Variants in KCNQ1 observed in about 807,000 individuals in gnomAD.
KCNQ1 encodes the protein potassium voltage-gated channel subfamily Q member 1, also known as potassium voltage-gated channel subfamily KQT member 1.
A neutral mutation model predicts 72.4 loss-of-function variants in KCNQ1; 49 were observed. The observed-to-expected ratio is 0.68, with a 90% CI of 0.54 to 0.86. KCNQ1 has a LOEUF of 0.86. Ranked by LOEUF, KCNQ1 falls within the 40% of genes least tolerant of loss-of-function variation. KCNQ1 has a pLI of 0.00. For synonymous variants in KCNQ1, 450 were observed against 412.6 expected (o/e 1.09, Z -1.10); for missense variants, 790 against 945.1 (o/e 0.84, Z 2.15).
chr11:2,454,914 T>A (rs1846165526), intron 1 of KCNQ1, among the ~76,000 whole-genome samples: 1 of 151,988 alleles, frequency 6.6e-6, no homozygotes, highest in Non-Finnish European at 1.5e-5. Context: ...GAGGTCCTAG[T>A]CAGAAAAATC....
At chr11:2,699,516 GA>G (rs1477353786) in intron 11 of KCNQ1, 11 of 291,126 alleles carry the variant, frequency 3.8e-5, no homozygotes, top group Non-Finnish European at 6.0e-5. Flanking sequence ...GAGCCCCCAG[GA>G]GAGTGCCGCG....
intron 11 of KCNQ1, chr11:2,686,596 A>G: frequency 2.5e-6 from 1 of 398,670 alleles, no homozygotes; most frequent in Non-Finnish European, 4.4e-6. Context: ...CAGCTTGGCT[A>G]CTAGCACTTT....
intron 10 of KCNQ1, chr11:2,622,634 T>G (rs1042199272): frequency 3.0e-5 from 12 of 398,416 alleles, no homozygotes; most frequent in Non-Finnish European, 4.4e-5. Context: ...CCTTACTGCC[T>G]TTTTTTGTGT....
In KCNQ1 at chr11:2,538,531, G is replaced by A. The variant is rs1421449291; in HGVS notation, c.477+10513G>A. ...CGTTCCTGTCTGAAGGCAGCTGCTT[G>A]GGAGGAGGACAGCTGACATTCTTTC... is the stretch of plus-strand genomic sequence containing the variant. On this transcript the variant is annotated intron_variant, in intron 2 of 15. Transcript: ENST00000155840. The surrounding 1 kb of genome is among the most constrained non-coding windows in gnomAD (Gnocchi z 6.7). Among the ~76,000 whole-genome samples the A allele has an allele frequency of 2.0e-5, 3 of 152,194 alleles. No individual in the cohort carries two copies. Among genetic ancestry groups the A allele is most frequent in the Non-Finnish European group, 2.9e-5 (2 of 68,032 alleles).
In KCNQ1 at chr11:2,711,295, C is replaced by G. The variant is rs945925628; in HGVS notation, c.1514+49214C>G. On this transcript the variant is annotated intron_variant, in intron 11 of 15. Transcript: ENST00000155840. This position sits in a 1 kb window ranked among gnomAD's most constrained non-coding sequence, Gnocchi z 5.4. ...AGCCCATCTCCCTTGGAGTCTCTCCCCGACTCCAGGGCTCATGGCCCCTTT... is the reference window on the plus strand; with the variant it reads ...AGCCCATCTCCCTTGGAGTCTCTCCGCGACTCCAGGGCTCATGGCCCCTTT... 6.6e-6 allele frequency among the ~76,000 whole-genome samples: 1 copy of G among 152,190 alleles called. No individual in the cohort carries two copies. Among genetic ancestry groups the G allele is most frequent in the African/African-American group, 2.4e-5 (1 of 41,440 alleles).
At chr11:2,605,028 C>T (rs1475308277) in intron 10 of KCNQ1, among the ~76,000 whole-genome samples, 4 of 152,312 alleles carry the variant, frequency 2.6e-5, no homozygotes, top group Middle Eastern at 3.4e-3. Flanking sequence ...GTGTGATTTG[C>T]ATTTCCCTGT....
Position 2,645,463 on chromosome 11 carries a change from T to C in KCNQ1, c.1394-16498T>C. ...ACTGTGGTAGGCAGGCACAGGAAGA[T>C]CCCTGTATACCCTGCTGAATGCTCA... On this transcript the variant is annotated intron_variant, in intron 10 of 15. Coordinates refer to ENST00000155840, the MANE Select transcript of KCNQ1 (RefSeq NM_000218.3). The surrounding 1 kb of genome is among the most constrained non-coding windows in gnomAD (Gnocchi z 5.8). The C allele has an allele frequency of 2.5e-6, 1 of 398,666 alleles. No homozygotes were observed. Among genetic ancestry groups the C allele is most frequent in the East Asian group, 3.6e-5 (1 of 28,070 alleles). The allele number at this position is 398,666 out of a possible 1,614,324, so 24.7% of individuals were successfully genotyped here. A position where few individuals can be genotyped will look rare whatever the true frequency, so the allele number is the denominator to read the frequency against.
chr11:2,527,255 C>T (rs910238000), intron 1 of KCNQ1, among the ~76,000 whole-genome samples: 4 of 152,276 alleles, frequency 2.6e-5, no homozygotes, highest in Admixed American at 1.3e-4. Context: ...CACAGCCTGC[C>T]GCCTGGAGGC....
In KCNQ1 at chr11:2,468,275, T is replaced by A. The variant is rs1180534498; in HGVS notation, c.386+22791T>A. Among the ~76,000 whole-genome samples the A allele has an allele frequency of 1.3e-5, 2 of 152,120 alleles. No homozygotes were observed. Among genetic ancestry groups the A allele is most frequent in the East Asian group, 3.9e-4 (2 of 5,186 alleles). On this transcript the variant is annotated intron_variant, in intron 1 of 15. Transcript: ENST00000155840. The surrounding 1 kb of genome is among the most constrained non-coding windows in gnomAD (Gnocchi z 5.7). ...GATCCTCCCGCCTCAGCCTCCTGAG[T>A]AGCTGGGACTACAGATGCACACCAC... is the stretch of plus-strand genomic sequence containing the variant.
intron 10 of KCNQ1, among the ~76,000 whole-genome samples, chr11:2,597,568 T>A (rs1025018496): frequency 2.6e-5 from 4 of 152,212 alleles, no homozygotes. Flanking sequence ...CAGAAGAGTA[T>A]GAAATCTGCC....
chr11:2,625,656 A>T (rs147284711), intron 10 of KCNQ1: 5 of 395,384 alleles, frequency 1.3e-5, no homozygotes, highest in Non-Finnish European at 2.2e-5. Context: ...GCTTACTGCA[A>T]CCTCTGCCTC....
At position 2,491,444 on chromosome 11, in the gene KCNQ1, A is replaced by G. The variant is rs1008328277; in HGVS notation, c.387-36484A>G. On this transcript the variant is annotated intron_variant, in intron 1 of 15. Coordinates refer to ENST00000155840, the MANE Select transcript of KCNQ1 (RefSeq NM_000218.3). The surrounding 1 kb of genome is among the most constrained non-coding windows in gnomAD (Gnocchi z 4.1). ...TCTGGAGTTGAAAAATGCAGCTGAC[A>G]TATTGAAGAATGTATCAGAATCTCT... 6.6e-6 allele frequency among the ~76,000 whole-genome samples: 1 copy of G among 152,236 alleles called. No individual in the cohort carries two copies. Among genetic ancestry groups the G allele is most frequent in the Non-Finnish European group, 1.5e-5 (1 of 68,046 alleles).
Position 2,588,704 on chromosome 11 carries a change from T to C in KCNQ1, c.1252-9T>C. ...AGGAACCGCTAATCTGTTGTCTTGT[T>C]TTTTTTAGGTAAAGAAAAAAAAGTT... On this transcript the variant is annotated splice_polypyrimidine_tract_variant and intron_variant, in intron 9 of 15. Coordinates refer to ENST00000155840, the MANE Select transcript of KCNQ1 (RefSeq NM_000218.3). This position sits in a 1 kb window ranked among gnomAD's most constrained non-coding sequence, Gnocchi z 5.6. 2 of 1,613,228 alleles carry C rather than the reference T, an allele frequency of 1.2e-6. No individual in the cohort carries two copies. The highest frequency in any genetic ancestry group is 1.7e-5 in the Admixed American group (1 of 60,024).
chr11:2,740,562 C>T (rs1457112236), intron 11 of KCNQ1, among the ~76,000 whole-genome samples: 1 of 152,190 alleles, frequency 6.6e-6, no homozygotes, highest in African/African-American at 2.4e-5. Flanking sequence ...GGCCTCAGCT[C>T]AGCTGGAGCC....
chr11:2,589,351 G>A (rs1355281166), intron 10 of KCNQ1, among the ~76,000 whole-genome samples: 1 of 152,210 alleles, frequency 6.6e-6, no homozygotes, highest in Non-Finnish European at 1.5e-5. Context: ...GAGTCTGTGC[G>A]TGATGGTGTG....
rs768083868 is a variant in KCNQ1, at chr11:2,808,468, C to T, written c.1794+30431C>T. ...GGGAGGGGCATTTGAAAATAGCATT[C>T]AGAGTTGCTATTAATAGGCTCTGAT... On this transcript the variant is annotated intron_variant, in intron 15 of 15. Transcript: ENST00000155840. The surrounding 1 kb of genome is among the most constrained non-coding windows in gnomAD (Gnocchi z 6.0). 3.3e-5 allele frequency among the ~76,000 whole-genome samples: 5 copies of T among 152,134 alleles called. No individual in the cohort carries two copies. The highest frequency in any genetic ancestry group is 5.9e-5 in the Non-Finnish European group (4 of 68,038).
At chr11:2,819,720 A>T (rs1412289381) in intron 15 of KCNQ1, among the ~76,000 whole-genome samples, 1 of 152,176 alleles carries the variant, frequency 6.6e-6, no homozygotes, top group East Asian at 1.9e-4. Flanking sequence ...CTGCTTTTTT[A>T]GGTAATTATA....
rs1055097800 is a variant in KCNQ1, at chr11:2,690,128, G to A, written c.1514+28047G>A. ...CCGGGGTTAGAACTGGGGGAGCAGG[G>A]ACAAAAAGCGGGCAGCCCTCCCCAG... is the stretch of plus-strand genomic sequence containing the variant. On this transcript the variant is annotated intron_variant, in intron 11 of 15. Coordinates refer to ENST00000155840, the MANE Select transcript of KCNQ1 (RefSeq NM_000218.3). The surrounding 1 kb of genome is among the most constrained non-coding windows in gnomAD (Gnocchi z 5.1). The A allele has an allele frequency of 5.0e-6, 2 of 398,854 alleles. No individual in the cohort carries two copies. Among genetic ancestry groups the A allele is most frequent in the Admixed American group, 4.4e-5 (1 of 22,724 alleles). 24.7% of individuals were successfully genotyped at this position (398,854 alleles called of 1,614,324 possible).
At chr11:2,806,286 G>C (rs932864232) in intron 15 of KCNQ1, among the ~76,000 whole-genome samples, 1 of 152,236 alleles carries the variant, frequency 6.6e-6, no homozygotes, top group Non-Finnish European at 1.5e-5. Context: ...AATGTGGAGT[G>C]AGGAAGAAGA....
Sources: gnomAD v4.1 joint callset for allele counts (sites outside exome capture counted in the v4.1 genomes callset) on GRCh38, gnomAD v4.1.1 for gene constraint, Gnocchi (gnomAD v3.1) non-coding constraint, MANE v1.5 for transcripts, NCBI Gene and HGNC (gene_info 2026-07-23, HGNC 2026-07-21) for gene names.